The following PLCXD3 variants were observed in gnomAD, a reference collection of about 807,000 sequenced individuals.
PLCXD3 encodes the protein phosphatidylinositol specific phospholipase C X domain containing 3.
A neutral mutation model predicts 25.5 loss-of-function variants in PLCXD3; 19 were observed. The ratio of observed to expected loss-of-function variants is 0.75; its 90% CI spans 0.52 to 1.09. The LOEUF (loss-of-function observed/expected upper bound fraction) is 1.09. Among genes scored for constraint, PLCXD3 ranks in the 50% least tolerant of loss-of-function variants. PLCXD3 has a pLI of 0.00. For missense variants in PLCXD3, 411 were observed against 388.1 expected, an observed-to-expected ratio of 1.06 and a Z score of -0.50; for synonymous variants, 174 against 137.6, an observed-to-expected ratio of 1.26 and a Z score of -1.85.
At chr5:41,392,062 G>C (rs1003006413) in intron 1 of PLCXD3, among the ~76,000 whole-genome samples, 14 of 152,158 alleles carry the variant, frequency 9.2e-5, no homozygotes, top group African/African-American at 3.4e-4. Flanking sequence ...AGACCTATAA[G>C]GTTTTTGATT....
In PLCXD3 at chr5:41,358,453, C is replaced by A. The variant is rs182059934; in HGVS notation, c.812+23373G>T. Among the ~76,000 whole-genome samples, 407 of 152,190 alleles carry A rather than the reference C, an allele frequency of 2.7e-3. 1 individual carries two copies. Among genetic ancestry groups the A allele is most frequent in the African/African-American group, 9.5e-3 (396 of 41,518 alleles). On this transcript the variant is annotated intron_variant, in intron 2 of 2. Coordinates refer to ENST00000377801, the MANE Select transcript of PLCXD3 (RefSeq NM_001005473.3). ...TATGTAGTCTTTTATTCCTCACCCCCACTCCCGCTCTTTCCCCCAAGTCCT... is the reference window on the plus strand; with the variant it reads ...TATGTAGTCTTTTATTCCTCACCCCAACTCCCGCTCTTTCCCCCAAGTCCT...
intron 1 of PLCXD3, among the ~76,000 whole-genome samples, chr5:41,462,113 T>C (rs1202674029): frequency 6.6e-6 from 1 of 151,992 alleles, no homozygotes; most frequent in African/African-American, 2.4e-5. Flanking sequence ...CATACATAGT[T>C]ACAAGAGTTG....
chr5:41,448,482 A>G (rs1747555999), intron 1 of PLCXD3, among the ~76,000 whole-genome samples: 3 of 152,224 alleles, frequency 2.0e-5, no homozygotes, highest in Admixed American at 2.0e-4. Context: ...TAGAGAGCAA[A>G]ATAAATCTTA....
intron 2 of PLCXD3, among the ~76,000 whole-genome samples, chr5:41,349,069 TC>T (rs1174819876): frequency 1.3e-5 from 2 of 152,216 alleles, no homozygotes; most frequent in African/African-American, 4.8e-5. Flanking sequence ...ACAATATCCA[TC>T]TACAGATACT....
chr5:41,505,743 A>G (rs766903981), intron 1 of PLCXD3, among the ~76,000 whole-genome samples: 11 of 152,240 alleles, frequency 7.2e-5, no homozygotes, highest in South Asian at 2.1e-4. Context: ...TATCACAGTG[A>G]CCTAATGTGA....
chr5:41,388,840 C>T (rs1229014816), intron 1 of PLCXD3, among the ~76,000 whole-genome samples: 1 of 151,730 alleles, frequency 6.6e-6, no homozygotes, highest in Non-Finnish European at 1.5e-5. Context: ...GAACTTCACC[C>T]TATGTATGTA....
At chr5:41,470,903 T>G (rs146876316) in intron 1 of PLCXD3, among the ~76,000 whole-genome samples, 1 of 152,152 alleles carries the variant, frequency 6.6e-6, no homozygotes, top group Non-Finnish European at 1.5e-5. Flanking sequence ...CATTCCCAAG[T>G]GCACCCTATC....
chr5:41,497,490 C>T (rs769437973), intron 1 of PLCXD3, among the ~76,000 whole-genome samples: 14 of 151,562 alleles, frequency 9.2e-5, no homozygotes, highest in Non-Finnish European at 1.3e-4. Context: ...GAAGATAAAG[C>T]AATTATAAAT....
chr5:41,364,781 G>A (rs1744889398), intron 2 of PLCXD3, among the ~76,000 whole-genome samples: 1 of 152,200 alleles, frequency 6.6e-6, no homozygotes, highest in Admixed American at 6.5e-5. Flanking sequence ...AGTCCCAGCA[G>A]TGGCTCCCTT....
At chr5:41,343,764 A>G (rs1223208598) in intron 2 of PLCXD3, among the ~76,000 whole-genome samples, 2 of 152,114 alleles carry the variant, frequency 1.3e-5, no homozygotes, top group Non-Finnish European at 2.9e-5. Flanking sequence ...CTTAATGAAA[A>G]CGTGGTTTAA....
intron 1 of PLCXD3, among the ~76,000 whole-genome samples, chr5:41,389,316 T>A (rs1745737628): frequency 6.6e-6 from 1 of 152,172 alleles, no homozygotes; most frequent in Admixed American, 6.6e-5. Flanking sequence ...TCTTTACTAC[T>A]TCCTTGCTTT....
chr5:41,318,080 G>A (rs1743353756), intron 2 of PLCXD3, among the ~76,000 whole-genome samples: 1 of 152,044 alleles, frequency 6.6e-6, no homozygotes, highest in African/African-American at 2.4e-5. Context: ...CCTAGAGTGG[G>A]ATGTCTGGCA....
At chr5:41,509,658 G>A (rs1049347957) in intron 1 of PLCXD3, among the ~76,000 whole-genome samples, 1 of 152,224 alleles carries the variant, frequency 6.6e-6, no homozygotes, top group Non-Finnish European at 1.5e-5. Flanking sequence ...AGGTCACGCA[G>A]GTTCCCCTGC....
chr5:41,338,569 A>G (rs1744048719), intron 2 of PLCXD3, among the ~76,000 whole-genome samples: 1 of 151,992 alleles, frequency 6.6e-6, no homozygotes, highest in African/African-American at 2.4e-5. Context: ...ATCCTTTTCC[A>G]GGGGCTCAAC....
chr5:41,404,733 G>T (rs1294573545), intron 1 of PLCXD3, among the ~76,000 whole-genome samples: 12 of 152,036 alleles, frequency 7.9e-5, no homozygotes, highest in Non-Finnish European at 1.5e-5. Flanking sequence ...TGAACTTCCG[G>T]TTGGTCTCTC....
intron 1 of PLCXD3, among the ~76,000 whole-genome samples, chr5:41,500,812 T>G (rs531481940): frequency 1.2e-4 from 19 of 152,034 alleles, no homozygotes; most frequent in African/African-American, 4.3e-4. Context: ...ATCATATATA[T>G]GATAAGGGGT....
intron 1 of PLCXD3, among the ~76,000 whole-genome samples, chr5:41,428,158 G>C (rs1012668618): frequency 6.6e-6 from 1 of 152,120 alleles, no homozygotes; most frequent in Non-Finnish European, 1.5e-5. Flanking sequence ...ATGAAAGCCA[G>C]TTCCTCTGGC....
chr5:41,506,594 G>T (rs1203194024), intron 1 of PLCXD3, among the ~76,000 whole-genome samples: 1 of 152,116 alleles, frequency 6.6e-6, no homozygotes, highest in East Asian at 1.9e-4. Context: ...ATAGAAATAG[G>T]AAATTACAAA....
At chr5:41,372,969 G>T (rs183998081) in intron 2 of PLCXD3, among the ~76,000 whole-genome samples, 1 of 152,118 alleles carries the variant, frequency 6.6e-6, no homozygotes, top group African/African-American at 2.4e-5. Flanking sequence ...AATTGAACCT[G>T]GGAGGCGGAG....
Sources: gnomAD v4.1 joint callset for allele counts (sites outside exome capture counted in the v4.1 genomes callset) on GRCh38, gnomAD v4.1.1 for gene constraint, MANE v1.5 for transcripts, NCBI Gene and HGNC (gene_info 2026-07-23, HGNC 2026-07-21) for gene names.